Variants in RIT2 observed in about 807,000 individuals in gnomAD.
RIT2 encodes GTP-binding protein Rit2.
A neutral mutation model predicts 23.7 loss-of-function variants in RIT2; 24 were observed. The observed-to-expected ratio is 1.01, with a 90% CI of 0.73 to 1.43. RIT2 has a LOEUF of 1.43. Ranked by LOEUF, RIT2 falls within the 40% of genes most tolerant of loss-of-function variation. The pLI, the probability that RIT2 is intolerant of heterozygous loss-of-function variation, is 0.00. For missense variants in RIT2, 236 were observed against 266.9 expected (o/e 0.88, Z 0.81); for synonymous variants, 107 against 91.1 (o/e 1.17, Z -0.99).
chr18:42,821,558 G>A (rs914603608), intron 4 of RIT2, among the ~76,000 whole-genome samples: 5 of 152,024 alleles, frequency 3.3e-5, no homozygotes, highest in Non-Finnish European at 7.4e-5. Flanking sequence ...AGGAGGCACC[G>A]GAGATGCTAC....
At chr18:42,978,957 G>C (rs1910534606) in intron 2 of RIT2, among the ~76,000 whole-genome samples, 1 of 151,928 alleles carries the variant, frequency 6.6e-6, no homozygotes, top group Admixed American at 6.6e-5. Context: ...TTTGAAAAAA[G>C]AAAGCAAAAT....
At chr18:42,968,943 C>T (rs1298761015) in intron 3 of RIT2, among the ~76,000 whole-genome samples, 5 of 152,270 alleles carry the variant, frequency 3.3e-5, no homozygotes, top group African/African-American at 1.2e-4. Context: ...CTCAGTGTCA[C>T]ATCCTAAGGA....
chr18:43,016,347 T>G (rs1911474718), intron 2 of RIT2, among the ~76,000 whole-genome samples: 1 of 151,840 alleles, frequency 6.6e-6, no homozygotes, highest in Non-Finnish European at 1.5e-5. Context: ...TAGTTAATTT[T>G]AGCTTCAAAA....
chr18:43,049,499 G>A (rs539964951), intron 1 of RIT2, among the ~76,000 whole-genome samples: 1 of 152,202 alleles, frequency 6.6e-6, no homozygotes, highest in East Asian at 1.9e-4. Flanking sequence ...GGTAAAAGGG[G>A]TAAATTCTAT....
intron 4 of RIT2, among the ~76,000 whole-genome samples, chr18:42,744,185 C>A (rs945763745): frequency 6.6e-6 from 1 of 152,126 alleles, no homozygotes; most frequent in African/African-American, 2.4e-5. Flanking sequence ...ATGGCCCCAC[C>A]CCATCTCCCT....
chr18:42,790,680 C>T (rs1237866798), intron 4 of RIT2, among the ~76,000 whole-genome samples: 2 of 152,204 alleles, frequency 1.3e-5, no homozygotes, highest in South Asian at 2.1e-4. Context: ...CCACCCGCCT[C>T]GGCCTCCCAA....
intron 4 of RIT2, among the ~76,000 whole-genome samples, chr18:42,885,608 C>T (rs1029435024): frequency 2.0e-5 from 3 of 151,940 alleles, no homozygotes; most frequent in Non-Finnish European, 4.4e-5. Flanking sequence ...TAATAATAAT[C>T]AGGCTCCAAA....
At chr18:42,994,388 A>G (rs899131308) in intron 2 of RIT2, among the ~76,000 whole-genome samples, 14 of 152,122 alleles carry the variant, frequency 9.2e-5, no homozygotes, top group African/African-American at 3.1e-4. Flanking sequence ...AACCCCTTCT[A>G]CAAAACAACA....
chr18:42,788,025 G>C (rs1350727042), intron 4 of RIT2, among the ~76,000 whole-genome samples: 1 of 151,624 alleles, frequency 6.6e-6, no homozygotes, highest in Non-Finnish European at 1.5e-5. Flanking sequence ...ATTTTAACTT[G>C]AAAATTTGAT....
In RIT2 at chr18:42,780,047, G is replaced by GTTTTTTTTTTTT. The variant is rs71175923; in HGVS notation, c.427-36339_427-36328dup. Among the ~76,000 whole-genome samples, 4 of 59,596 alleles carry GTTTTTTTTTTTT rather than the reference G, an allele frequency of 6.7e-5. 1 individual carries two copies. Among genetic ancestry groups the GTTTTTTTTTTTT allele is most frequent in the Admixed American group, 6.0e-4 (2 of 3,344 alleles). 39.1% of individuals were successfully genotyped at this position (59,596 alleles called of 152,430 possible). A position where few individuals can be genotyped will look rare whatever the true frequency, so the allele number is the denominator to read the frequency against. On this transcript the variant is annotated intron_variant, in intron 4 of 4. Transcript: ENST00000326695. The stretch of plus-strand genomic sequence containing the variant: ...TGCCTAGTCAAGTCTCAATTTAGAG[G>GTTTTTTTTTTTT]TTTTTTTTTTTTTTTTTTTTTTTTT...
chr18:42,907,786 G>C (rs1908661266), intron 4 of RIT2, among the ~76,000 whole-genome samples: 1 of 152,090 alleles, frequency 6.6e-6, no homozygotes, highest in Non-Finnish European at 1.5e-5. Flanking sequence ...TTCCAGACCA[G>C]CCTGGGTAAT....
intron 4 of RIT2, among the ~76,000 whole-genome samples, chr18:42,780,301 G>A (rs187400896): frequency 6.3e-4 from 96 of 152,108 alleles, no homozygotes; most frequent in African/African-American, 2.2e-3. Flanking sequence ...TTTCCTGATT[G>A]ACTGTTGGTT....
intron 4 of RIT2, among the ~76,000 whole-genome samples, chr18:42,780,557 C>T (rs575084878): frequency 2.0e-5 from 3 of 152,056 alleles, no homozygotes; most frequent in Non-Finnish European, 2.9e-5. Context: ...TTTGCAGGAC[C>T]ATTTCAACAT....
intron 3 of RIT2, among the ~76,000 whole-genome samples, chr18:42,946,702 C>T (rs1238446796): frequency 1.3e-5 from 2 of 151,884 alleles, no homozygotes; most frequent in East Asian, 3.9e-4. Context: ...AAGAGTAAAA[C>T]TATATTGCCT....
At position 43,031,829 on chromosome 18, in the gene RIT2, T is replaced by C. The variant is rs147568023; in HGVS notation, c.160+1982A>G. Among the ~76,000 whole-genome samples the C allele has an allele frequency of 3.9e-5, 6 of 152,194 alleles. No individual in the cohort carries two copies. In the East Asian group the frequency reaches 9.7e-4, roughly 25 times the overall value. ...AAATATTTATTTCCTATCTCAATTGTGAAAAAAGTATCCTTGATAGGTGTT... is the reference window on the plus strand; with the variant it reads ...AAATATTTATTTCCTATCTCAATTGCGAAAAAAGTATCCTTGATAGGTGTT... On this transcript the variant is annotated intron_variant, in intron 2 of 4. Coordinates refer to ENST00000326695, the MANE Select transcript of RIT2 (RefSeq NM_002930.4).
intron 4 of RIT2, among the ~76,000 whole-genome samples, chr18:42,789,135 G>A (rs1237164056): frequency 6.6e-6 from 1 of 152,104 alleles, no homozygotes; most frequent in African/African-American, 2.4e-5. Context: ...GTAGAATTGG[G>A]TGCCACTATG....
chr18:42,751,705 T>G (rs565830022), intron 4 of RIT2, among the ~76,000 whole-genome samples: 2 of 152,136 alleles, frequency 1.3e-5, no homozygotes, highest in East Asian at 3.9e-4. Context: ...TTTCACATGA[T>G]CTTAGATTTA....
intron 4 of RIT2, among the ~76,000 whole-genome samples, chr18:42,840,859 T>C (rs928507254): frequency 2.6e-5 from 4 of 152,230 alleles, no homozygotes; most frequent in African/African-American, 9.6e-5. Flanking sequence ...TATCTATGGC[T>C]TAAAGACATT....
intron 4 of RIT2, among the ~76,000 whole-genome samples, chr18:42,920,043 T>A (rs1050058254): frequency 1.3e-5 from 2 of 152,114 alleles, no homozygotes; most frequent in Admixed American, 6.6e-5. Context: ...ATTTCCTTAC[T>A]TTTATTTTTC....
Sources: gnomAD v4.1 joint callset for allele counts (sites outside exome capture counted in the v4.1 genomes callset) on GRCh38, gnomAD v4.1.1 for gene constraint, MANE v1.5 for transcripts, NCBI Gene and HGNC (gene_info 2026-07-23, HGNC 2026-07-21) for gene names.